Variants in NEBL observed in about 807,000 individuals in gnomAD.
NEBL encodes the protein LIM and SH3 protein 2.
A neutral mutation model predicts 140.2 loss-of-function variants in NEBL; 122 were observed. That is an observed-to-expected ratio of 0.87 (90% CI 0.75 to 1.01). NEBL has a LOEUF of 1.01. Among genes scored for constraint, NEBL ranks in the 50% least tolerant of loss-of-function variants. The pLI is 0.00. For synonymous variants in NEBL, 436 were observed against 398.9 expected (o/e 1.09, Z -1.11); for missense variants, 1,365 against 1,231.3 (o/e 1.11, Z -1.62).
intron 2 of NEBL, among the ~76,000 whole-genome samples, chr10:21,037,757 G>A (rs866994507): frequency 6.0e-4 from 91 of 152,082 alleles, no homozygotes; most frequent in African/African-American, 1.9e-3. Flanking sequence ...CAGAGAGATA[G>A]AATAATGGAA....
intron 3 of NEBL, among the ~76,000 whole-genome samples, chr10:21,206,322 C>T (rs1027305715): frequency 1.3e-5 from 2 of 152,168 alleles, no homozygotes; most frequent in Non-Finnish European, 2.9e-5. Context: ...GTCCTGGCAA[C>T]TCTAATGCTT....
chr10:21,267,377 G>C, intron 1 of NEBL, among the ~76,000 whole-genome samples: 1 of 152,154 alleles, frequency 6.6e-6, no homozygotes, highest in South Asian at 2.1e-4. Context: ...GCCTCCCAAA[G>C]TGCTGGGATT....
chr10:21,139,761 G>A (rs542897836), intron 2 of NEBL, among the ~76,000 whole-genome samples: 5 of 152,204 alleles, frequency 3.3e-5, no homozygotes, highest in South Asian at 4.1e-4. Flanking sequence ...GGGAAGGTAC[G>A]GAATTAAATA....
chr10:20,965,250 A>G (rs550193238), intron 3 of NEBL, among the ~76,000 whole-genome samples: 183 of 152,302 alleles, frequency 1.2e-3, no homozygotes, highest in Non-Finnish European at 1.2e-3. Flanking sequence ...GAGATGAAAA[A>G]CACACAAGAT....
At chr10:20,845,217 C>T (rs1444295659) in intron 12 of NEBL, 41 bp downstream of exon 12, 2 of 1,298,720 alleles carry the variant, frequency 1.5e-6, no homozygotes, top group Admixed American at 3.4e-5. Context: ...TTTTTCTTTA[C>T]TTTTCTTCAT....
chr10:21,055,328 T>C (rs1465110685), intron 2 of NEBL, among the ~76,000 whole-genome samples: 4 of 152,284 alleles, frequency 2.6e-5, no homozygotes, highest in Non-Finnish European at 2.9e-5. Context: ...GAGGGAAATA[T>C]TCAGCTAACA....
At chr10:21,182,696 G>A (rs1841406070) in intron 3 of NEBL, among the ~76,000 whole-genome samples, 1 of 152,164 alleles carries the variant, frequency 6.6e-6, no homozygotes, top group African/African-American at 2.4e-5. Context: ...AATATAATGA[G>A]AGCCGCAAAT....
At chr10:20,997,313 A>G (rs1018831859) in intron 3 of NEBL, among the ~76,000 whole-genome samples, 1 of 151,992 alleles carries the variant, frequency 6.6e-6, no homozygotes, top group Non-Finnish European at 1.5e-5. Context: ...CCTGTTACTC[A>G]GGTCTGGAAT....
At chr10:20,851,350 T>C (rs1040647810) in intron 10 of NEBL, among the ~76,000 whole-genome samples, 1 of 152,176 alleles carries the variant, frequency 6.6e-6, no homozygotes, top group Non-Finnish European at 1.5e-5. Context: ...TTTTCAAACT[T>C]AGAACTTTAT....
intron 2 of NEBL, among the ~76,000 whole-genome samples, chr10:21,158,541 T>A (rs1840425448): frequency 1.3e-5 from 2 of 152,090 alleles, no homozygotes; most frequent in Admixed American, 1.3e-4. Context: ...GCAAAGTAAC[T>A]CAACGTCAGC....
chr10:21,207,770 A>G (rs1457557352), intron 3 of NEBL, among the ~76,000 whole-genome samples: 1 of 152,108 alleles, frequency 6.6e-6, no homozygotes, highest in Non-Finnish European at 1.5e-5. Flanking sequence ...CTACCCACAG[A>G]CTAGCTATAC....
At chr10:20,899,363 C>T (rs562965813), upstream of NEBL, 178 of 1,294,024 alleles carry the variant, frequency 1.4e-4, 3 homozygotes, top group South Asian at 2.1e-3. Context: ...ACACCTATTC[C>T]CCAAGGTGAA....
intron 2 of NEBL, among the ~76,000 whole-genome samples, chr10:21,163,373 C>T (rs1295748119): frequency 6.6e-6 from 1 of 152,224 alleles, no homozygotes; most frequent in East Asian, 1.9e-4. Flanking sequence ...TGCAGGTTAT[C>T]CAAACAGGCC....
At position 21,173,459 on chromosome 10, in the gene NEBL, G is replaced by A. The variant is rs977339585; in HGVS notation, c.69+306C>T. 6.6e-6 allele frequency among the ~76,000 whole-genome samples: 1 copy of A among 151,988 alleles called. No homozygotes were observed. Among genetic ancestry groups the A allele is most frequent in the African/African-American group, 2.4e-5 (1 of 41,430 alleles). ...GCGGCTCGCCGAAGTGCCCCCCTGG[G>A]TGCCCAGCCTGGTCCCTCCGGGGTC... is the stretch of plus-strand genomic sequence containing the variant. On this transcript the variant is annotated intron_variant, in intron 1 of 6. Coordinates refer to the NEBL transcript ENST00000417816. This position sits in a 1 kb window ranked among gnomAD's most constrained non-coding sequence, Gnocchi z 5.7.
rs181093806 is a variant in NEBL at position 20,803,051 on chromosome 10, G to A, written c.2761+5459C>T. ...GTCTCGTCCTCCAGTTCAGGGTTCC[G>A]GCCACCGCAGGACACCACTGCCACA... On this transcript the variant is annotated intron_variant, in intron 26 of 27. Transcript: ENST00000377122. Among the ~76,000 whole-genome samples, 28 of 152,162 alleles carry A rather than the reference G, an allele frequency of 1.8e-4. No homozygotes were observed. The East Asian group carries it at 3.1e-3, about 17-fold the overall frequency.
At chr10:20,982,559 T>C (rs529522129) in intron 3 of NEBL, among the ~76,000 whole-genome samples, 12 of 152,330 alleles carry the variant, frequency 7.9e-5, no homozygotes, top group African/African-American at 2.6e-4. Flanking sequence ...TAGCTGTGTA[T>C]ATTCACTGAT....
chr10:20,967,350 G>C (rs1836364590), intron 3 of NEBL, among the ~76,000 whole-genome samples: 1 of 152,184 alleles, frequency 6.6e-6, no homozygotes, highest in Admixed American at 6.5e-5. Context: ...ACACAGGGCT[G>C]GGCATGGTGG....
chr10:21,228,223 G>A lies in NEBL; in HGVS notation n.348+19698C>T, dbSNP rs547705246. Among the ~76,000 whole-genome samples the A allele has an allele frequency of 5.3e-5, 8 of 151,956 alleles. No homozygotes were observed. In the South Asian group the frequency reaches 1.2e-3, roughly 24 times the overall value. The stretch of plus-strand genomic sequence containing the variant: ...GGCTGGAGTGCAGTGGGGCAATCAC[G>A]ACTCACTACACCCTCAAACTCCTGA... On this transcript the variant is annotated intron_variant and non_coding_transcript_variant, in intron 3 of 8. Transcript: ENST00000675702.
chr10:20,928,524 GAAGA>G (rs1834021283), intron 4 of NEBL, among the ~76,000 whole-genome samples: 1 of 152,130 alleles, frequency 6.6e-6, no homozygotes, highest in South Asian at 2.1e-4. Flanking sequence ...GAGAAAAGGA[GAAGA>G]AATAGCAGGC....
Sources: gnomAD v4.1 joint callset for allele counts (sites outside exome capture counted in the v4.1 genomes callset) on GRCh38, gnomAD v4.1.1 for gene constraint, Gnocchi (gnomAD v3.1) non-coding constraint, MANE v1.5 for transcripts, NCBI Gene and HGNC (gene_info 2026-07-23, HGNC 2026-07-21) for gene names.